The following ANO2 variants were observed in gnomAD, a reference collection of about 807,000 sequenced individuals.
The protein encoded by ANO2 is anoctamin 2.
Under a neutral mutation model 124.2 loss-of-function variants are expected in ANO2, and 101 were observed. The ratio of observed to expected loss-of-function variants is 0.81; its 90% CI spans 0.69 to 0.96. The LOEUF is 0.96. Ranked by LOEUF, ANO2 falls within the 40% of genes least tolerant of loss-of-function variation. ANO2 has a pLI of 0.00. For synonymous variants in ANO2, 486 were observed against 482.5 expected, an observed-to-expected ratio of 1.01 and a Z score of -0.09; for missense variants, 1,293 against 1,274.5, an observed-to-expected ratio of 1.01 and a Z score of -0.22.
At chr12:5,863,855 T>G (rs1465082119) in intron 3 of ANO2, among the ~76,000 whole-genome samples, 1 of 152,234 alleles carries the variant, frequency 6.6e-6, no homozygotes, top group Non-Finnish European at 1.5e-5. Context: ...CATTATTTAC[T>G]TAACAATATG....
chr12:5,810,045 A>G (rs1953337533), intron 7 of ANO2, among the ~76,000 whole-genome samples: 1 of 152,248 alleles, frequency 6.6e-6, no homozygotes, highest in African/African-American at 2.4e-5. Flanking sequence ...CAAAGATTCA[A>G]GTTATAAAAC....
chr12:5,592,270 G>A (rs1943432771), intron 20 of ANO2, among the ~76,000 whole-genome samples: 1 of 152,140 alleles, frequency 6.6e-6, no homozygotes, highest in Admixed American at 6.5e-5. Flanking sequence ...CGACTAGAGA[G>A]GAATAAGACA....
At chr12:5,944,920 G>A (rs1943033800) in intron 1 of ANO2, among the ~76,000 whole-genome samples, 1 of 151,854 alleles carries the variant, frequency 6.6e-6, no homozygotes. Flanking sequence ...CAATCACAGA[G>A]AAGCGGCCGC....
intron 22 of ANO2, among the ~76,000 whole-genome samples, chr12:5,576,383 G>A (rs1942412422): frequency 6.6e-6 from 1 of 152,046 alleles, no homozygotes; most frequent in African/African-American, 2.4e-5. Flanking sequence ...TAGTGATGAG[G>A]GTACTACGTA....
At chr12:5,821,242 G>A (rs779836062) in intron 7 of ANO2, among the ~76,000 whole-genome samples, 3 of 152,168 alleles carry the variant, frequency 2.0e-5, no homozygotes, top group African/African-American at 7.2e-5. Context: ...AAATTTCTAG[G>A]GGTCCAGTGC....
At chr12:5,715,255 CG>C (rs1481412385) in intron 14 of ANO2, among the ~76,000 whole-genome samples, 3 of 152,118 alleles carry the variant, frequency 2.0e-5, no homozygotes, top group Non-Finnish European at 4.4e-5. Flanking sequence ...ATTTACCAAC[CG>C]GGACACATTT....
intron 10 of ANO2, among the ~76,000 whole-genome samples, chr12:5,780,460 C>T (rs1952355953): frequency 1.3e-5 from 2 of 152,156 alleles, no homozygotes; most frequent in South Asian, 4.1e-4. Context: ...TGCGCCCTGG[C>T]CTCCAAACAG....
chr12:5,919,443 A>G (rs61908418), intron 3 of ANO2, among the ~76,000 whole-genome samples: 3,962 of 119,762 alleles, frequency 0.033, 437 homozygotes, highest in Non-Finnish European at 0.048. Context: ...AGAGGGCAAC[A>G]GCACAAAGAC....
intron 12 of ANO2, among the ~76,000 whole-genome samples, chr12:5,743,875 A>G (rs987919122): frequency 6.6e-6 from 1 of 152,224 alleles, no homozygotes; most frequent in African/African-American, 2.4e-5. Context: ...AGGAGTTTTC[A>G]AAACAGGCAT....
chr12:5,637,160 C>T (rs1207979160), intron 15 of ANO2, among the ~76,000 whole-genome samples: 1 of 152,068 alleles, frequency 6.6e-6, no homozygotes, highest in Non-Finnish European at 1.5e-5. Flanking sequence ...ATGACATCAC[C>T]CCTCTCCAAC....
In ANO2 at chr12:5,651,604, T is replaced by C. The variant is rs544915934; in HGVS notation, c.1546-3803A>G. On this transcript the variant is annotated intron_variant, in intron 14 of 24. Coordinates refer to ENST00000682330, the MANE Select transcript of ANO2 (RefSeq NM_001364791.2). ...GCTGGCTTCATTTTTAATTAAGATATAATTTACACACAGTAAATTTCACCT... is the reference window on the plus strand; with the variant it reads ...GCTGGCTTCATTTTTAATTAAGATACAATTTACACACAGTAAATTTCACCT... Among the ~76,000 whole-genome samples, 23 of 151,826 alleles carry C rather than the reference T, an allele frequency of 1.5e-4. No homozygotes were observed. The South Asian group carries it at 4.8e-3, about 32-fold the overall frequency.
chr12:5,737,299 C>G (rs1950910306), intron 13 of ANO2, among the ~76,000 whole-genome samples: 1 of 152,244 alleles, frequency 6.6e-6, no homozygotes, highest in South Asian at 2.1e-4. Flanking sequence ...CCAGGCCCCT[C>G]TCAGCCAGCA....
chr12:5,922,785 G>T lies in ANO2; in HGVS notation c.42C>A (p.Gly14=), dbSNP rs1359426146. The stretch of plus-strand genomic sequence containing the variant: ...CCTGAGGGCTCAGCCGGCGTGGGGA[G>T]CCAGGGAGCAGGGGTATATCTGTGA... The part of the protein sequence containing the change: ...PGPRDIPLLP[G]SPRRLSPQAG... The change falls in exon 2 of 25, where the codon GGC becomes GGA. Residue 14 remains glycine (G), a synonymous_variant. Coordinates refer to ENST00000682330, the MANE Select transcript of ANO2 (RefSeq NM_001364791.2). 1.3e-6 allele frequency: 2 copies of T among 1,535,568 alleles called. No homozygotes were observed. Among genetic ancestry groups the T allele is most frequent in the Admixed American group, 2.0e-5 (1 of 48,846 alleles).
At chr12:5,704,893 G>A (rs564901525) in intron 14 of ANO2, among the ~76,000 whole-genome samples, 1 of 152,214 alleles carries the variant, frequency 6.6e-6, no homozygotes, top group East Asian at 1.9e-4. Flanking sequence ...TAGACCTTAA[G>A]GTGGTTATAT....
intron 17 of ANO2, among the ~76,000 whole-genome samples, chr12:5,614,256 G>A (rs1266748237): frequency 6.6e-6 from 1 of 152,138 alleles, no homozygotes; most frequent in African/African-American, 2.4e-5. Context: ...CTAAATCCTT[G>A]GAATTTCCCT....
At chr12:5,565,521 G>A (rs766158391) in intron 24 of ANO2, 37 bp downstream of exon 24, 28 of 1,522,390 alleles carry the variant, frequency 1.8e-5, no homozygotes, top group Admixed American at 1.4e-4. Context: ...CCTGCAGCCC[G>A]GATTCGAATG....
chr12:5,763,139 G>A (rs2080913489), intron 10 of ANO2, among the ~76,000 whole-genome samples: 1 of 151,828 alleles, frequency 6.6e-6, no homozygotes, highest in Admixed American at 6.6e-5. Flanking sequence ...TTTTGACCTT[G>A]AACCAACTTT....
intron 20 of ANO2, among the ~76,000 whole-genome samples, chr12:5,595,157 T>C (rs1943596006): frequency 6.6e-6 from 1 of 152,142 alleles, no homozygotes; most frequent in Non-Finnish European, 1.5e-5. Context: ...CATTCATTCA[T>C]TCCCTCATCT....
At chr12:5,861,487 C>T (rs1314419512) in intron 3 of ANO2, among the ~76,000 whole-genome samples, 2 of 152,178 alleles carry the variant, frequency 1.3e-5, no homozygotes, top group Non-Finnish European at 2.9e-5. Flanking sequence ...AACAAGACAA[C>T]GTCCTCTCTC....
Sources: gnomAD v4.1 joint callset for allele counts (sites outside exome capture counted in the v4.1 genomes callset) on GRCh38, gnomAD v4.1.1 for gene constraint, MANE v1.5 for transcripts, NCBI Gene and HGNC (gene_info 2026-07-23, HGNC 2026-07-21) for gene names.